Variants in USP39 observed in about 807,000 individuals in gnomAD.
USP39 encodes ubiquitin carboxyl-terminal hydrolase 39.
In USP39, 38 loss-of-function variants were observed where a neutral mutation model predicts 66.4. The observed-to-expected ratio is 0.57, with a 90% CI of 0.44 to 0.75. The LOEUF is 0.75. Among genes scored for constraint, USP39 ranks in the 30% least tolerant of loss-of-function variants. The pLI, the probability that USP39 is intolerant of heterozygous loss-of-function variation, is 0.00. For missense variants in USP39, 608 were observed against 714.4 expected, an observed-to-expected ratio of 0.85 and a Z score of 1.70; for synonymous variants, 303 against 274.6, an observed-to-expected ratio of 1.10 and a Z score of -1.02.
chr2:85,633,831 CTTTT>C (rs35970499), intron 6 of USP39, among the ~76,000 whole-genome samples: 4,119 of 78,412 alleles, frequency 0.053, 115 homozygotes, highest in African/African-American at 0.21. Context: ...CGAGTAGTGG[CTTTT>C]TTTTTTTTTT....
At chr2:85,645,972 T>C (rs1234481765) in intron 11 of USP39, 1 of 152,152 alleles carries the variant, frequency 6.6e-6, no homozygotes, top group East Asian at 1.9e-4. Context: ...GCAGCCAAGG[T>C]TGAGAACCTC....
chr2:85,631,993 C>T (rs368719178), intron 6 of USP39, among the ~76,000 whole-genome samples: 3 of 152,218 alleles, frequency 2.0e-5, no homozygotes, highest in African/African-American at 4.8e-5. Context: ...CCACCCGCTT[C>T]GGCCTCCCAA....
intron 9 of USP39, 178 bp downstream of exon 9, chr2:85,639,569 C>T: frequency 1.8e-6 from 1 of 558,598 alleles, no homozygotes; most frequent in Non-Finnish European, 3.0e-6. Flanking sequence ...ATTCTCCTGC[C>T]TCAGCCTTCC....
upstream of USP39, among the ~76,000 whole-genome samples, chr2:85,615,615 C>T (rs1230439165): frequency 6.6e-6 from 1 of 152,112 alleles, no homozygotes; most frequent in Non-Finnish European, 1.5e-5. Flanking sequence ...TTTCGAGGCA[C>T]AAATCTGGGG....
upstream of USP39, among the ~76,000 whole-genome samples, chr2:85,615,719 C>T (rs1673873397): frequency 6.6e-6 from 1 of 152,206 alleles, no homozygotes; most frequent in Non-Finnish European, 1.5e-5. Context: ...CAACCTCCGC[C>T]TCCTGGGTTC....
chr2:85,611,935 C>G, upstream of USP39: 1 of 1,585,880 alleles, frequency 6.3e-7, no homozygotes, highest in African/African-American at 1.4e-5. Flanking sequence ...GTCCAGCCGC[C>G]CCCCAGGCTT....
rs186007223 is a variant in USP39 at position 85,626,425 on chromosome 2, G to A, written c.723+734G>A. Among the ~76,000 whole-genome samples the A allele has an allele frequency of 2.2e-4, 34 of 152,326 alleles. 1 individual carries two copies. Among genetic ancestry groups the A allele is most frequent in the African/African-American group, 6.7e-4 (28 of 41,578 alleles). ...AGATGATCCTCAGACACCAAGTCTT[G>A]CTAAGGACTCTACTTGAGTAATTGT... is the stretch of plus-strand genomic sequence containing the variant. On this transcript the variant is annotated intron_variant, in intron 5 of 12. Coordinates refer to ENST00000323701, the MANE Select transcript of USP39 (RefSeq NM_006590.4).
At chr2:85,637,548 C>A in intron 8 of USP39, 112 bp downstream of exon 8, 1 of 1,134,904 alleles carries the variant, frequency 8.8e-7, no homozygotes, top group Non-Finnish European at 1.3e-6. Flanking sequence ...TGAAGAGGTT[C>A]AACAAAGCAC....
At chr2:85,615,084 G>A (rs187430879), upstream of USP39, among the ~76,000 whole-genome samples, 547 of 152,174 alleles carry the variant, frequency 3.6e-3, 2 homozygotes, top group African/African-American at 0.012. Context: ...GCAATGGGGC[G>A]ATCTCGGCTC....
chr2:85,641,116 T>C lies in USP39; in HGVS notation c.1425T>C (p.Ile475=). 6.2e-7 allele frequency: 1 copy of C among 1,612,500 alleles called. No individual in the cohort carries two copies. The highest frequency in any genetic ancestry group is 8.5e-7 in the Non-Finnish European group (1 of 1,179,570). The change falls in exon 10 of 13, where the codon ATT becomes ATC. Residue 475 remains isoleucine, a splice_region_variant and synonymous_variant. Transcript: ENST00000323701. ...ATCCAACTATTGTCAATTTCCCTAT[T>C]ACGTAAGTAACATCCTGCCTCACTT... ...EKNPTIVNFP[I]TNVDLREYLS... is the part of the protein sequence containing the mutation.
chr2:85,604,176 AG>A (rs1403897077), intron 1 of USP39, among the ~76,000 whole-genome samples: 1 of 152,188 alleles, frequency 6.6e-6, no homozygotes, highest in East Asian at 1.9e-4. Flanking sequence ...TCTTGGACCC[AG>A]TGGAAAGCAG....
At chr2:85,605,023 GTGTATCA>G (rs2104126456) in intron 1 of USP39, among the ~76,000 whole-genome samples, 1 of 152,332 alleles carries the variant, frequency 6.6e-6, no homozygotes, top group Non-Finnish European at 1.5e-5. Context: ...AGGGGGAATT[GTGTATCA>G]TGTAAGAAGT....
chr2:85,633,832 T>C (rs1165719824), intron 6 of USP39, among the ~76,000 whole-genome samples: 2 of 81,710 alleles, frequency 2.4e-5, no homozygotes, highest in African/African-American at 1.7e-4. Context: ...GAGTAGTGGC[T>C]TTTTTTTTTT....
At chr2:85,643,201 C>A (rs1276153907) in intron 10 of USP39, among the ~76,000 whole-genome samples, 1 of 152,038 alleles carries the variant, frequency 6.6e-6, no homozygotes, top group African/African-American at 2.4e-5. Flanking sequence ...AGTATAAAGA[C>A]TTCTCCAAAC....
upstream of USP39, chr2:85,609,120 G>C (rs1248660617): frequency 1.2e-6 from 2 of 1,601,894 alleles, no homozygotes; most frequent in Admixed American, 3.4e-5. Flanking sequence ...CCAGAAAGGT[G>C]ACCTGCCCTG....
At chr2:85,637,324 T>G in intron 7 of USP39, 45 bp from the exon 8 acceptor site, 1 of 1,601,362 alleles carries the variant, frequency 6.2e-7, no homozygotes. Flanking sequence ...TTCAGACATG[T>G]TTTCCATCCT....
At chr2:85,646,003 C>A (rs924910434) in intron 11 of USP39, 1 of 152,190 alleles carries the variant, frequency 6.6e-6, no homozygotes, top group Admixed American at 6.5e-5. Context: ...TAGAGCCTTA[C>A]CATCCAAAGT....
chr2:85,613,354 T>C (rs763058533), upstream of USP39, among the ~76,000 whole-genome samples: 1 of 151,348 alleles, frequency 6.6e-6, no homozygotes, highest in Non-Finnish European at 1.5e-5. Flanking sequence ...TAAAAAAAAA[T>C]ACAAAAAATT....
chr2:85,629,097 C>T (rs1573416768), intron 5 of USP39, among the ~76,000 whole-genome samples: 1 of 152,114 alleles, frequency 6.6e-6, no homozygotes, highest in East Asian at 1.9e-4. Flanking sequence ...GAATTTTGCT[C>T]TTTTTGCCTA....
Sources: gnomAD v4.1 joint callset for allele counts (sites outside exome capture counted in the v4.1 genomes callset) on GRCh38, gnomAD v4.1.1 for gene constraint, MANE v1.5 for transcripts, NCBI Gene and HGNC (gene_info 2026-07-23, HGNC 2026-07-21) for gene names.